CNTN6: variants seen among roughly 807,000 people sequenced by gnomAD.
CNTN6 encodes contactin 6.
CNTN6 carries 137 observed loss-of-function variants against 122.8 expected under a neutral mutation model. The ratio of observed to expected loss-of-function variants is 1.12; its 90% CI spans 0.97 to 1.29. The LOEUF (loss-of-function observed/expected upper bound fraction) is 1.29, where lower values mean the gene tolerates loss of function less well. CNTN6 is among the 50% of genes most tolerant of loss of function. CNTN6 has a pLI of 0.00. For missense variants in CNTN6, 1,634 were observed against 1,223.4 expected (o/e 1.34, Z -5.01); for synonymous variants, 570 against 426.0 (o/e 1.34, Z -4.16).
At chr3:1,287,250 G>C (rs1396475725) in intron 5 of CNTN6, among the ~76,000 whole-genome samples, 1 of 152,088 alleles carries the variant, frequency 6.6e-6, no homozygotes, top group Non-Finnish European at 1.5e-5. Context: ...TTCTTTATTG[G>C]AAGAACTGCT....
chr3:1,322,592 A>G (rs1701012363), intron 8 of CNTN6, among the ~76,000 whole-genome samples: 1 of 151,620 alleles, frequency 6.6e-6, no homozygotes, highest in African/African-American at 2.4e-5. Context: ...CCTATGTGAC[A>G]TGTTTATAAT....
At chr3:1,154,350 C>T (rs2092912800) in intron 2 of CNTN6, among the ~76,000 whole-genome samples, 1 of 152,040 alleles carries the variant, frequency 6.6e-6, no homozygotes, top group African/African-American at 2.4e-5. Context: ...AGTAATAACA[C>T]CAGGTCATAT....
chr3:1,181,048 C>A (rs572624866), intron 2 of CNTN6, among the ~76,000 whole-genome samples: 1 of 152,132 alleles, frequency 6.6e-6, no homozygotes, highest in East Asian at 1.9e-4. Context: ...TAGTCATTTA[C>A]AACTTCATGT....
Position 1,245,268 on chromosome 3 carries a change from T to TAAC in CNTN6, c.358+17276_358+17277insACA, listed in dbSNP as rs550829984. The stretch of plus-strand genomic sequence containing the variant: ...CACATATATATATAACATATATATA[T>TAAC]ATATATACACACACATATATATATA... On this transcript the variant is annotated intron_variant, in intron 4 of 22. Coordinates refer to ENST00000446702, the MANE Select transcript of CNTN6 (RefSeq NM_001289080.2). Among the ~76,000 whole-genome samples, 27 of 5,616 alleles carry TAAC rather than the reference T, an allele frequency of 4.8e-3. 3 individuals carry two copies. Among genetic ancestry groups the TAAC allele is most frequent in the African/African-American group, 0.014 (26 of 1,924 alleles). The allele number at this position is 5,616 out of a possible 152,430, so 3.7% of individuals were successfully genotyped here. A position where few individuals can be genotyped will look rare whatever the true frequency, so the allele number is the denominator to read the frequency against.
At chr3:1,344,458 ACAGT>A (rs1404109154) in intron 11 of CNTN6, among the ~76,000 whole-genome samples, 1 of 152,140 alleles carries the variant, frequency 6.6e-6, no homozygotes, top group Non-Finnish European at 1.5e-5. Context: ...TGAACCTTTG[ACAGT>A]CAGTGGAACT....
At chr3:1,233,036 G>C (rs868343999) in intron 4 of CNTN6, among the ~76,000 whole-genome samples, 1 of 152,158 alleles carries the variant, frequency 6.6e-6, no homozygotes, top group Admixed American at 6.5e-5. Context: ...TGGTTTTCTA[G>C]GTTGAGACTG....
chr3:1,250,619 A>C lies in CNTN6; in HGVS notation c.358+22626A>C, dbSNP rs117384320. Among the ~76,000 whole-genome samples, 40 of 152,278 alleles carry C rather than the reference A, an allele frequency of 2.6e-4. No individual in the cohort carries two copies. The East Asian group carries it at 7.1e-3, about 27-fold the overall frequency. ...ATTCTTAGGTCACCCCTCATTGCCCAAACCTTCATCTACATAGAGCTCTGA... is the reference window on the plus strand; with the variant it reads ...ATTCTTAGGTCACCCCTCATTGCCCCAACCTTCATCTACATAGAGCTCTGA... On this transcript the variant is annotated intron_variant, in intron 4 of 22. Transcript: ENST00000446702.
intron 2 of CNTN6, among the ~76,000 whole-genome samples, chr3:1,165,576 A>G (rs904787780): frequency 3.9e-5 from 6 of 151,948 alleles, no homozygotes; most frequent in Non-Finnish European, 7.4e-5. Context: ...CCCCCACTAC[A>G]CACACACACT....
chr3:1,106,785 C>T (rs2091245218), intron 1 of CNTN6, among the ~76,000 whole-genome samples: 1 of 152,026 alleles, frequency 6.6e-6, no homozygotes. Context: ...TTAGCCAGAA[C>T]AATTTAGAAG....
intron 2 of CNTN6, among the ~76,000 whole-genome samples, chr3:1,219,658 T>C (rs1453061442): frequency 6.6e-6 from 1 of 152,070 alleles, no homozygotes; most frequent in Admixed American, 6.6e-5. Context: ...ATCTAAGGTG[T>C]TAAAGTCAGG....
intron 7 of CNTN6, among the ~76,000 whole-genome samples, chr3:1,301,596 T>C (rs1324785689): frequency 6.6e-6 from 1 of 152,202 alleles, no homozygotes; most frequent in Non-Finnish European, 1.5e-5. Flanking sequence ...CTTGATTTAA[T>C]AGAGTACACT....
chr3:1,381,278 C>G (rs967812039), intron 17 of CNTN6, among the ~76,000 whole-genome samples: 5 of 152,174 alleles, frequency 3.3e-5, no homozygotes, highest in African/African-American at 1.2e-4. Flanking sequence ...TGGTTTACTT[C>G]TAGTCTCCCT....
rs191610527 is a variant in CNTN6, at chr3:1,258,255, C to G, written c.359-20158C>G. Among the ~76,000 whole-genome samples, 3 of 152,216 alleles carry G rather than the reference C, an allele frequency of 2.0e-5. No homozygotes were observed. The East Asian group carries it at 5.8e-4, about 29-fold the overall frequency. On this transcript the variant is annotated intron_variant, in intron 4 of 22. Transcript: ENST00000446702. ...GGTGAAGTTCCTTTTATCTCCTCTA[C>G]TTTCATTGTAGCAGTATGACTGAAA...
intron 1 of CNTN6, among the ~76,000 whole-genome samples, chr3:1,100,377 G>C (rs1261112558): frequency 6.6e-6 from 1 of 152,110 alleles, no homozygotes; most frequent in Non-Finnish European, 1.5e-5. Context: ...GACTGTTTAT[G>C]ATGTAATTAT....
intron 20 of CNTN6, among the ~76,000 whole-genome samples, chr3:1,389,647 AGT>A (rs373105399): frequency 0.1 from 14,960 of 150,208 alleles, 1,001 homozygotes; most frequent in Middle Eastern, 0.14. Context: ...AAGACCCATC[AGT>A]GTGCTGTATT....
chr3:1,393,230 A>G (rs1298524146), intron 20 of CNTN6, among the ~76,000 whole-genome samples: 101 of 88,220 alleles, frequency 1.1e-3, no homozygotes, highest in African/African-American at 2.2e-3. Context: ...TGCAGCCATA[A>G]AAAATGATGA....
At chr3:1,283,486 G>A (rs1000261124) in intron 5 of CNTN6, among the ~76,000 whole-genome samples, 1 of 152,042 alleles carries the variant, frequency 6.6e-6, no homozygotes. Context: ...CAGATATAAC[G>A]CCCTTGAAAC....
At chr3:1,096,064 C>T (rs2090507887) in intron 1 of CNTN6, among the ~76,000 whole-genome samples, 2 of 152,294 alleles carry the variant, frequency 1.3e-5, no homozygotes, top group South Asian at 4.1e-4. Flanking sequence ...TTGCCTTAGA[C>T]ATGCAAGATA....
intron 1 of CNTN6, among the ~76,000 whole-genome samples, chr3:1,133,106 C>A (rs532413551): frequency 6.6e-5 from 10 of 151,968 alleles, no homozygotes; most frequent in Middle Eastern, 3.2e-3. Flanking sequence ...AAAAAGGAGA[C>A]GTGCCGCAAA....
Sources: allele counts gnomAD v4.1 joint callset (sites outside exome capture counted in the v4.1 genomes callset), GRCh38; gene constraint gnomAD v4.1.1; transcripts MANE v1.5; gene names NCBI Gene and HGNC (gene_info 2026-07-23, HGNC 2026-07-21).